Variants in TPM3 observed in about 807,000 individuals in gnomAD.
TPM3 encodes tropomyosin 3.
Under a neutral mutation model 43.1 loss-of-function variants are expected in TPM3, and 16 were observed. That is an observed-to-expected ratio of 0.37 (90% CI 0.25 to 0.56). The LOEUF is 0.56. Among genes scored for constraint, TPM3 ranks in the 20% least tolerant of loss-of-function variants. TPM3 has a pLI of 0.77. For synonymous variants in TPM3, 101 were observed against 116.9 expected (o/e 0.86, Z 0.88); for missense variants, 176 against 337.2 (o/e 0.52, Z 3.74).
intron 9 of TPM3, among the ~76,000 whole-genome samples, chr1:154,168,985 G>A (rs1480049862): frequency 6.6e-6 from 1 of 151,242 alleles, no homozygotes; most frequent in Non-Finnish European, 1.5e-5. Context: ...CAGGTGCACT[G>A]CCACCATGCC....
downstream of TPM3, chr1:154,158,486 T>G (rs1231028685): frequency 3.6e-6 from 1 of 274,392 alleles, no homozygotes; most frequent in South Asian, 8.4e-5. Context: ...AATCTTCAAC[T>G]CAGAGAAGGT....
chr1:154,176,418 T>C (rs1372116822), intron 2 of TPM3, among the ~76,000 whole-genome samples, 170 bp from the exon 3 acceptor site: 1 of 152,104 alleles, frequency 6.6e-6, no homozygotes, highest in African/African-American at 2.4e-5. Context: ...TTTATATATA[T>C]ATATTTCCTC....
chr1:154,172,683 C>A lies in TPM3; in HGVS notation c.566+225G>T, dbSNP rs567739008. ...CCTTATTTGCTCTCAATTTGTAAAC[C>A]CTACCAACAAAAAATAAGAAAGCCT... On this transcript the variant is annotated intron_variant, in intron 5 of 9. Transcript: ENST00000651641. 2.1e-3 allele frequency: 1,246 copies of A among 606,486 alleles called. 3 individuals are homozygous for A. The highest frequency in any genetic ancestry group is 2.0e-3 in the Non-Finnish European group (670 of 340,400). The allele number at this position is 606,486 out of a possible 1,614,324, so 37.6% of individuals were successfully genotyped here.
chr1:154,182,761 A>G (rs1663105335), intron 2 of TPM3, among the ~76,000 whole-genome samples: 1 of 151,988 alleles, frequency 6.6e-6, no homozygotes, highest in South Asian at 2.1e-4. Context: ...CAAACCCCGT[A>G]AGGCTCAATT....
Position 154,171,482 on chromosome 1 carries a change from AC to A in TPM3, c.572del (p.Cys191PhefsTer8). 1 of 1,614,188 alleles carries A rather than the reference AC, an allele frequency of 6.2e-7. No individual in the cohort carries two copies. The highest frequency in any genetic ancestry group is 8.5e-7 in the Non-Finnish European group (1 of 1,180,012). On this transcript the variant is annotated frameshift_variant, in exon 6 of 10. Coordinates refer to ENST00000651641, the MANE Select transcript of TPM3 (RefSeq NM_152263.4). LOFTEE classifies it high-confidence loss of function. ...TCTTCAGCTCCTCCTCCAGCTCAGA[AC>A]ACTTACTGTGAATATTTTAAATACC... Reference protein sequence around the residue: ...EERAELAESKCSELEEELKNV... With the variant: ...EERAELAESKXSELEEELKNV...
At position 154,188,805 on chromosome 1, in the gene TPM3, T is replaced by C. The variant is rs1335750499; in HGVS notation, c.243+2381A>G. 2.6e-5 allele frequency among the ~76,000 whole-genome samples: 4 copies of C among 151,046 alleles called. 1 individual carries two copies. Among genetic ancestry groups the C allele is most frequent in the African/African-American group, 9.9e-5 (4 of 40,550 alleles). The stretch of plus-strand genomic sequence containing the variant: ...AATTCTTACCACTTTCCTTGGCCAC[T>C]GAAAGTGGTGGAAAACAAAACAGAT... On this transcript the variant is annotated intron_variant, in intron 2 of 9. Coordinates refer to ENST00000651641, the MANE Select transcript of TPM3 (RefSeq NM_152263.4).
At chr1:154,182,661 A>G (rs900414080) in intron 2 of TPM3, among the ~76,000 whole-genome samples, 1 of 151,924 alleles carries the variant, frequency 6.6e-6, no homozygotes, top group Non-Finnish European at 1.5e-5. Flanking sequence ...TGGGGGAGGG[A>G]GAAGCCGCTG....
At chr1:154,188,674 CAAAA>C (rs572467862) in intron 2 of TPM3, among the ~76,000 whole-genome samples, 3 of 59,522 alleles carry the variant, frequency 5.0e-5, no homozygotes, top group African/African-American at 1.2e-4. Context: ...GACTCCGTCT[CAAAA>C]AAAAAAAAAA....
chr1:154,165,412 G>T lies in TPM3; in HGVS notation c.*2525C>A, dbSNP rs867160573. On this transcript the variant is annotated 3_prime_UTR_variant, in exon 10 of 10. Coordinates refer to ENST00000651641, the MANE Select transcript of TPM3 (RefSeq NM_152263.4). ...AAAAGAGAAAAATAAATAAATAATGGAATGCTCAATATTCACTATCCCACA... is the reference window on the plus strand; with the variant it reads ...AAAAGAGAAAAATAAATAAATAATGTAATGCTCAATATTCACTATCCCACA... Among the ~76,000 whole-genome samples, 6 of 151,798 alleles carry T rather than the reference G, an allele frequency of 4.0e-5. No individual in the cohort carries two copies. Among genetic ancestry groups the T allele is most frequent in the South Asian group, 2.1e-4 (1 of 4,810 alleles).
downstream of TPM3, chr1:154,157,279 T>C (rs1452605376): frequency 4.9e-6 from 2 of 411,446 alleles, no homozygotes; most frequent in Non-Finnish European, 9.1e-6. Flanking sequence ...GGGATTCGAT[T>C]GCTGCTTCAG....
downstream of TPM3, chr1:154,159,068 G>A (rs1660094179): frequency 1.3e-6 from 1 of 780,224 alleles, no homozygotes; most frequent in African/African-American, 1.7e-5. Context: ...CAACGGAGAG[G>A]AGGGGAACAC....
chr1:154,178,836 T>G (rs1662634622), intron 2 of TPM3, among the ~76,000 whole-genome samples: 1 of 152,148 alleles, frequency 6.6e-6, no homozygotes, highest in African/African-American at 2.4e-5. Flanking sequence ...ATAATAGGAT[T>G]CTCCACTGCC....
chr1:154,169,006 T>C (rs1315512407), intron 9 of TPM3, among the ~76,000 whole-genome samples: 1 of 150,762 alleles, frequency 6.6e-6, no homozygotes, highest in Non-Finnish European at 1.5e-5. Context: ...TGGCTACTTT[T>C]TGTATTTTTA....
chr1:154,191,111 T>A (rs180872912), intron 2 of TPM3, 75 bp downstream of exon 2: 251 of 1,610,694 alleles, frequency 1.6e-4, no homozygotes, highest in Non-Finnish European at 1.8e-4. Flanking sequence ...CAAGTGTGTT[T>A]GGAATTTCGT....
intron 2 of TPM3, among the ~76,000 whole-genome samples, chr1:154,185,573 A>T (rs997747948): frequency 1.3e-5 from 2 of 150,004 alleles, no homozygotes; most frequent in Middle Eastern, 3.2e-3. Flanking sequence ...AGCCAGGTGC[A>T]GTAGCAGGCG....
At chr1:154,174,651 C>T (rs943177835) in intron 3 of TPM3, among the ~76,000 whole-genome samples, 20 of 150,678 alleles carry the variant, frequency 1.3e-4, no homozygotes, top group Non-Finnish European at 1.9e-4. Flanking sequence ...CGCCCCACCA[C>T]GCCTGGCTAA....
At chr1:154,161,058 G>A (rs114937904), downstream of TPM3, among the ~76,000 whole-genome samples, 387 of 148,226 alleles carry the variant, frequency 2.6e-3, 1 homozygote, top group African/African-American at 8.2e-3. Context: ...CTATAGGTGT[G>A]CATCACCATG....
At chr1:154,155,321 C>T (rs1019704815), downstream of TPM3, 7 of 445,656 alleles carry the variant, frequency 1.6e-5, no homozygotes, top group Non-Finnish European at 2.8e-5. Flanking sequence ...AAAAAAAACC[C>T]TTTAATTTCT....
chr1:154,170,699 C>G lies in TPM3; in HGVS notation c.655G>C (p.Glu219Gln), dbSNP rs1394962897. The G allele has an allele frequency of 3.7e-6, 6 of 1,609,778 alleles. No homozygotes were observed. The South Asian group carries it at 6.6e-5, about 18-fold the overall frequency. Reference sequence around the variant, plus strand: ...TTGATTTCTTCCTCATATTTATCTTCTTTTTGAGAGTACTGTAAGATAAGT... The same window carrying G: ...TTGATTTCTTCCTCATATTTATCTTGTTTTTGAGAGTACTGTAAGATAAGT... ...EAQAEKYSQK[E>Q]DKYEEEIKIL... Residue 219 changes from glutamate (E) to glutamine (Q), a missense_variant, in exon 7 of 10, where the codon GAA (glutamate) becomes CAA (glutamine). Coordinates refer to ENST00000651641, the MANE Select transcript of TPM3 (RefSeq NM_152263.4).
Sources: allele counts gnomAD v4.1 joint callset (sites outside exome capture counted in the v4.1 genomes callset), GRCh38; gene constraint gnomAD v4.1.1; transcripts MANE v1.5; gene names NCBI Gene and HGNC (gene_info 2026-07-23, HGNC 2026-07-21).